The following NOS1 variants were observed in gnomAD, a reference collection of about 807,000 sequenced individuals.
NOS1 encodes nitric oxide synthase 1.
A neutral mutation model predicts 164.5 loss-of-function variants in NOS1; 51 were observed. The observed-to-expected ratio is 0.31, with a 90% CI of 0.25 to 0.39. NOS1 has a LOEUF of 0.39. NOS1 is among the 10% of genes least tolerant of loss of function. NOS1 has a pLI of 1.00. For missense variants in NOS1, 1,362 were observed against 1,885.6 expected (o/e 0.72, Z 5.14); for synonymous variants, 719 against 745.8 (o/e 0.96, Z 0.59).
Position 117,295,965 on chromosome 12 carries a change from T to C in NOS1, c.853-5539A>G, listed in dbSNP as rs114562663. Among the ~76,000 whole-genome samples the C allele has an allele frequency of 8.6e-3, 1,309 of 152,064 alleles. 21 individuals carry two copies. Among genetic ancestry groups the C allele is most frequent in the African/African-American group, 0.029 (1,217 of 41,458 alleles). ...TAAAGCAGTGTCACTTCCTTGTCAT[T>C]CTCTGCCCCCAATCACCCTTACCAT... is the stretch of plus-strand genomic sequence containing the variant. On this transcript the variant is annotated intron_variant, in intron 3 of 28. Coordinates refer to ENST00000317775, the MANE Select transcript of NOS1 (RefSeq NM_000620.5).
intron 2 of NOS1, among the ~76,000 whole-genome samples, chr12:117,315,425 C>T (rs1006880438): frequency 6.6e-6 from 1 of 152,008 alleles, no homozygotes; most frequent in Non-Finnish European, 1.5e-5. Flanking sequence ...TGTTGACCAG[C>T]CTGGTCTTGA....
At position 117,243,212 on chromosome 12, in the gene NOS1, C is replaced by T. The variant is rs1163130301; in HGVS notation, c.2962+85G>A. On this transcript the variant is annotated intron_variant, in intron 19 of 28. Coordinates refer to ENST00000317775, the MANE Select transcript of NOS1 (RefSeq NM_000620.5). The surrounding 1 kb of genome is among the most constrained non-coding windows in gnomAD (Gnocchi z 4.3). ...GGGAGATCAAAGCAATGAAGCCCAT[C>T]TTCTCTAAGCACCTTCTGGAGGTGA... is the stretch of plus-strand genomic sequence containing the variant. 1 of 1,541,770 alleles carries T rather than the reference C, an allele frequency of 6.5e-7. No homozygotes were observed. Among genetic ancestry groups the T allele is most frequent in the East Asian group, 2.2e-5 (1 of 44,476 alleles).
chr12:117,289,533 C>T (rs1044439189), intron 4 of NOS1, among the ~76,000 whole-genome samples: 6 of 152,172 alleles, frequency 3.9e-5, no homozygotes, highest in Non-Finnish European at 7.4e-5. Flanking sequence ...TATTGTTTTT[C>T]TTTAAGTTCG....
Position 117,265,313 on chromosome 12 carries a change from G to A in NOS1, c.2136+3C>T. On this transcript the variant is annotated splice_donor_region_variant and intron_variant, in intron 12 of 28. Coordinates refer to ENST00000317775, the MANE Select transcript of NOS1 (RefSeq NM_000620.5). The stretch of plus-strand genomic sequence containing the variant: ...ATGAAAAGAGGCAGGGACAGGGAAG[G>A]ACCTGGTATTCGAAGGAGGGGGTGA... 1 of 1,541,576 alleles carries A rather than the reference G, an allele frequency of 6.5e-7. No individual in the cohort carries two copies. Among genetic ancestry groups the A allele is most frequent in the African/African-American group, 1.4e-5 (1 of 73,730 alleles).
At chr12:117,309,501 C>T (rs7310618) in intron 3 of NOS1, 4 of 498,112 alleles carry the variant, frequency 8.0e-6, no homozygotes, top group African/African-American at 2.1e-5. Context: ...AAAATGAAGC[C>T]GGTCATCACT....
chr12:117,328,554 C>CT (rs145442994), intron 2 of NOS1, among the ~76,000 whole-genome samples: 14,035 of 151,878 alleles, frequency 0.092, 893 homozygotes, highest in Admixed American at 0.17. Flanking sequence ...TCCTTCCCTG[C>CT]TTTTTTTTGT....
Position 117,211,100 on chromosome 12 carries a change from G to A in NOS1, c.*4209C>T, listed in dbSNP as rs140280164. On this transcript the variant is annotated 3_prime_UTR_variant, in exon 29 of 29. Coordinates refer to ENST00000317775, the MANE Select transcript of NOS1 (RefSeq NM_000620.5). ...GCCTCCCAGGTAGCTGAGACTACAG[G>A]CGCATGCCACCATGCCCAGCTAATT... 793 of 565,550 alleles carry A rather than the reference G, an allele frequency of 1.4e-3. 8 individuals carry two copies. The African/African-American group carries it at 0.015, about 11-fold the overall frequency. 35.0% of individuals were successfully genotyped at this position (565,550 alleles called of 1,614,324 possible).
intron 21 of NOS1, among the ~76,000 whole-genome samples, chr12:117,233,374 T>C (rs1458653295): frequency 6.6e-6 from 1 of 151,776 alleles, no homozygotes; most frequent in East Asian, 2.0e-4. Context: ...TTTTGTATTT[T>C]TTTTGTAGAG....
At position 117,311,612 on chromosome 12, in the gene NOS1, A is replaced by G. The variant is rs1874438661; in HGVS notation, c.726-20T>C. On this transcript the variant is annotated intron_variant, in intron 2 of 28. Coordinates refer to ENST00000317775, the MANE Select transcript of NOS1 (RefSeq NM_000620.5). ...AAATCTCTGAAAGGCAAGGTGGGGC[A>G]GGTGAGGAAGGGGACATCAGGAGGG... 4 of 1,603,612 alleles carry G rather than the reference A, an allele frequency of 2.5e-6. No homozygotes were observed. The East Asian group carries it at 9.0e-5, about 36-fold the overall frequency.
At chr12:117,326,311 G>A (rs1251244899) in intron 2 of NOS1, among the ~76,000 whole-genome samples, 1 of 151,440 alleles carries the variant, frequency 6.6e-6, no homozygotes, top group Admixed American at 6.6e-5. Flanking sequence ...GCTGGAACCC[G>A]GGAGGCGGAG....
chr12:117,339,632 C>T (rs1472057465), intron 1 of NOS1, among the ~76,000 whole-genome samples: 1 of 152,152 alleles, frequency 6.6e-6, no homozygotes, highest in Non-Finnish European at 1.5e-5. Context: ...ATCTTAAGTA[C>T]CCATCAATAG....
intron 22 of NOS1, among the ~76,000 whole-genome samples, chr12:117,228,067 C>T (rs1868860463): frequency 7.5e-6 from 1 of 133,138 alleles, no homozygotes; most frequent in Middle Eastern, 3.5e-3. Flanking sequence ...AAGAAAGGAA[C>T]AAAGAAGGAA....
intron 1 of NOS1, among the ~76,000 whole-genome samples, chr12:117,336,875 C>T (rs1875845174): frequency 6.6e-6 from 1 of 152,020 alleles, no homozygotes; most frequent in South Asian, 2.1e-4. Flanking sequence ...TGGCTCACTG[C>T]AGCCTCCACC....
intron 1 of NOS1, among the ~76,000 whole-genome samples, chr12:117,340,873 A>ATTTTTTTTTTT (rs56322341): frequency 3.2e-3 from 334 of 104,460 alleles, no homozygotes; most frequent in African/African-American, 6.9e-3. Context: ...ACACCTGGCT[A>ATTTTTTTTTTT]TTTTTTTTTT....
chr12:117,258,240 C>T (rs1436955788), intron 16 of NOS1, among the ~76,000 whole-genome samples, 157 bp downstream of exon 16: 2 of 152,110 alleles, frequency 1.3e-5, no homozygotes, highest in African/African-American at 2.4e-5. Flanking sequence ...AATATTTGCC[C>T]CAGTAGACTG....
In NOS1 at chr12:117,213,570, G is replaced by A. The variant is rs1956559405; in HGVS notation, c.*1739C>T. The A allele has an allele frequency of 4.1e-6, 4 of 985,466 alleles. No homozygotes were observed. The highest frequency in any genetic ancestry group is 9.4e-5 in the South Asian group (2 of 21,280). 61.0% of individuals were successfully genotyped at this position (985,466 alleles called of 1,614,324 possible). ...TCACTTTAACAGTCTCCTGGCCTGGGCCCTTTGGGGTCTTGGTGCCCCCAC... is the reference window on the plus strand; with the variant it reads ...TCACTTTAACAGTCTCCTGGCCTGGACCCTTTGGGGTCTTGGTGCCCCCAC... On this transcript the variant is annotated 3_prime_UTR_variant, in exon 29 of 29. Transcript: ENST00000317775.
intron 10 of NOS1, among the ~76,000 whole-genome samples, chr12:117,269,506 C>T (rs1163759520): frequency 4.9e-5 from 6 of 122,912 alleles, no homozygotes; most frequent in Admixed American, 2.8e-4. Flanking sequence ...CTCACTCTGT[C>T]GCCAGGCTGG....
chr12:117,337,857 T>C (rs756440870), intron 1 of NOS1, among the ~76,000 whole-genome samples: 1 of 152,120 alleles, frequency 6.6e-6, no homozygotes, highest in African/African-American at 2.4e-5. Context: ...GGCAGGCAGA[T>C]TGCTTGAGGC....
At position 117,272,777 on chromosome 12, in the gene NOS1, A is replaced by G. The variant is rs1450087379; in HGVS notation, c.1665-218T>C. ...TATTTCTCAGGTGCTTCGGATGGATATTCAGGCCTGGAAACTACTGCCTTA... is the reference window on the plus strand; with the variant it reads ...TATTTCTCAGGTGCTTCGGATGGATGTTCAGGCCTGGAAACTACTGCCTTA... On this transcript the variant is annotated intron_variant, in intron 9 of 28. Transcript: ENST00000317775. This position sits in a 1 kb window ranked among gnomAD's most constrained non-coding sequence, Gnocchi z 4.3. Among the ~76,000 whole-genome samples the G allele has an allele frequency of 3.9e-5, 6 of 152,152 alleles. No homozygotes were observed. Among genetic ancestry groups the G allele is most frequent in the Non-Finnish European group, 7.4e-5 (5 of 68,024 alleles).
Sources: gnomAD v4.1 joint callset for allele counts (sites outside exome capture counted in the v4.1 genomes callset) on GRCh38, gnomAD v4.1.1 for gene constraint, Gnocchi (gnomAD v3.1) non-coding constraint, MANE v1.5 for transcripts, NCBI Gene and HGNC (gene_info 2026-07-23, HGNC 2026-07-21) for gene names.